NDUFB6: variants seen among roughly 807,000 people sequenced by gnomAD.
NDUFB6 encodes NADH:ubiquinone oxidoreductase subunit B6.
NDUFB6 carries 23 observed loss-of-function variants against 17.5 expected under a neutral mutation model. The ratio of observed to expected loss-of-function variants is 1.31; its 90% confidence interval spans 0.94 to 1.86. The LOEUF is 1.86. NDUFB6 is among the 40% of genes most tolerant of loss of function. The pLI is 0.00. For synonymous variants in NDUFB6, 60 were observed against 53.5 expected (o/e 1.12, Z -0.53); for missense variants, 167 against 153.8 (o/e 1.09, Z -0.46).
chr9:32,553,137 G>C lies in NDUFB6; in HGVS notation c.*739C>G. ...CTAAATCTGACAGTCTTGAGTGTCA[G>C]ATCATAGTTGGAATAAGCTTTTCAA... is the stretch of plus-strand genomic sequence containing the variant. On this transcript the variant is annotated 3_prime_UTR_variant, in exon 4 of 4. Transcript: ENST00000379847. 4.6e-6 allele frequency: 2 copies of C among 434,056 alleles called. No individual in the cohort carries two copies. The highest frequency in any genetic ancestry group is 8.2e-6 in the Non-Finnish European group (2 of 245,144). 26.9% of individuals were successfully genotyped at this position (434,056 alleles called of 1,614,324 possible).
intron 2 of NDUFB6, chr9:32,568,208 T>A (rs528773453): frequency 5.9e-6 from 1 of 168,916 alleles, no homozygotes; most frequent in South Asian, 2.0e-4. Context: ...TTGGAAGAAG[T>A]TGATTTCAAC....
intron 2 of NDUFB6, chr9:32,566,287 G>T: frequency 8.7e-7 from 1 of 1,153,518 alleles, no homozygotes; most frequent in Non-Finnish European, 1.3e-6. Context: ...GTAGAAAGCA[G>T]GCCATAAAAA....
chr9:32,570,448 C>A (rs1400472698), intron 2 of NDUFB6, among the ~76,000 whole-genome samples: 1 of 152,132 alleles, frequency 6.6e-6, no homozygotes, highest in Non-Finnish European at 1.5e-5. Context: ...CTTTAAAATA[C>A]CACAACTGGC....
intron 3 of NDUFB6, among the ~76,000 whole-genome samples, chr9:32,557,013 A>ACCTG (rs1462782185): frequency 6.9e-6 from 1 of 145,288 alleles, no homozygotes. Context: ...CACCATGCCC[A>ACCTG]GCTAATTTTT....
chr9:32,566,632 T>C, intron 2 of NDUFB6: 4 of 792,380 alleles, frequency 5.0e-6, no homozygotes, highest in South Asian at 4.0e-5. Context: ...GCACCCACCA[T>C]GGAGGAGCAG....
intron 1 of NDUFB6, among the ~76,000 whole-genome samples, chr9:32,572,285 G>A (rs1016002234): frequency 6.6e-6 from 1 of 152,216 alleles, no homozygotes; most frequent in African/African-American, 2.4e-5. Context: ...GTTCTTGAAT[G>A]AGTGATTTTC....
At position 32,573,008 on chromosome 9, in the gene NDUFB6, A is replaced by C. The variant is rs1719549068; in HGVS notation, c.53T>G (p.Leu18Arg). The change falls in exon 1 of 4, where the codon CTG becomes CGG. Residue 18 changes from leucine to arginine, a missense_variant. Leu to Arg is a moderately radical substitution (Grantham distance 102). Coordinates refer to ENST00000379847, the MANE Select transcript of NDUFB6 (RefSeq NM_002493.5). ...EKLRLQQLRE[L>R]RRRWLKDQEL... ...CTGGTCCTTCAGCCATCGCCTTCTC[A>C]GCTCTCGCAGCTGCTGCAGCCGCAG... 1 of 1,605,616 alleles carries C rather than the reference A, an allele frequency of 6.2e-7. No individual in the cohort carries two copies. The highest frequency in any genetic ancestry group is 1.3e-5 in the African/African-American group (1 of 74,664).
rs146170319 is a variant in NDUFB6 at position 32,559,285 on chromosome 9, G to T, written c.274-331C>A. Among the ~76,000 whole-genome samples the T allele has an allele frequency of 4.9e-3, 750 of 152,200 alleles. 5 individuals carry two copies. Among genetic ancestry groups the T allele is most frequent in the African/African-American group, 0.017 (712 of 41,514 alleles). On this transcript the variant is annotated intron_variant, in intron 2 of 3. Transcript: ENST00000379847. The stretch of plus-strand genomic sequence containing the variant: ...TAATTCTATCTTAAGAATATACCCT[G>T]AATCCAACTGGTTCTCATCACCAGC...
In NDUFB6 at chr9:32,569,339, C is replaced by T. The variant is rs193215869; in HGVS notation, c.273+1621G>A. Among the ~76,000 whole-genome samples, 3 of 152,274 alleles carry T rather than the reference C, an allele frequency of 2.0e-5. No individual in the cohort carries two copies. In the East Asian group the frequency reaches 5.8e-4, roughly 29 times the overall value. ...GTTCAAGTGATTCTTCTGCCTCAAC[C>T]TCCCGAATAGCTGGGACTACAGGCG... On this transcript the variant is annotated intron_variant, in intron 2 of 3. Transcript: ENST00000379847.
intron 3 of NDUFB6, among the ~76,000 whole-genome samples, chr9:32,557,338 A>T (rs78214335): frequency 1.4e-5 from 2 of 145,858 alleles, no homozygotes; most frequent in African/African-American, 5.1e-5. Flanking sequence ...TAATTTTTGT[A>T]TTTTTTTTTT....
chr9:32,557,162 C>CT (rs34291462), intron 3 of NDUFB6, among the ~76,000 whole-genome samples: 8,428 of 129,140 alleles, frequency 0.065, 418 homozygotes, highest in Admixed American at 0.1. Flanking sequence ...CTGGCCCCCA[C>CT]TTTTTTTTTT....
chr9:32,563,823 T>A (rs1821699721), intron 2 of NDUFB6, among the ~76,000 whole-genome samples: 1 of 152,256 alleles, frequency 6.6e-6, no homozygotes, highest in Non-Finnish European at 1.5e-5. Flanking sequence ...CATCTATTAC[T>A]ATCATTATTT....
intron 2 of NDUFB6, chr9:32,568,748 A>ATTTTTTTTTTTTT (rs869080203): frequency 8.7e-6 from 1 of 114,398 alleles, no homozygotes; most frequent in African/African-American, 3.9e-5. Flanking sequence ...ATATATATAT[A>ATTTTTTTTTTTTT]TTTTTTTTTT....
Position 32,557,824 on chromosome 9 carries a change from C to A in NDUFB6, c.318+1086G>T, listed in dbSNP as rs560791748. Among the ~76,000 whole-genome samples the A allele has an allele frequency of 1.1e-4, 17 of 152,296 alleles. No homozygotes were observed. In the South Asian group the frequency reaches 1.9e-3, roughly 17 times the overall value. Reference sequence around the variant, plus strand: ...CCAGCGTTCCAACTGGGACCGCTGGCCAGTTTTGGTGGCCCTTCCTAAAAT... The same window carrying A: ...CCAGCGTTCCAACTGGGACCGCTGGACAGTTTTGGTGGCCCTTCCTAAAAT... On this transcript the variant is annotated intron_variant, in intron 3 of 3. Coordinates refer to ENST00000379847, the MANE Select transcript of NDUFB6 (RefSeq NM_002493.5).
intron 2 of NDUFB6, 37 bp from the exon 3 acceptor site, chr9:32,558,991 T>A: frequency 6.9e-7 from 1 of 1,450,694 alleles, no homozygotes; most frequent in Non-Finnish European, 9.5e-7. Flanking sequence ...ATTATGGTGT[T>A]AAGAGTTTCT....
At chr9:32,571,764 A>G (rs1369715195) in intron 1 of NDUFB6, among the ~76,000 whole-genome samples, 1 of 152,242 alleles carries the variant, frequency 6.6e-6, no homozygotes, top group African/African-American at 2.4e-5. Flanking sequence ...TTACTTCCTT[A>G]TATCACTTGC....
chr9:32,572,969 C>T lies in NDUFB6; in HGVS notation c.92G>A (p.Arg31Gln). 1.2e-6 allele frequency: 2 copies of T among 1,611,852 alleles called. No individual in the cohort carries two copies. The highest frequency in any genetic ancestry group is 1.7e-6 in the Non-Finnish European group (2 of 1,178,890). ...CTTCTGTGGGGGCAGCACCGGCTCC[C>T]GAGGGCTCAGCTCCTGGTCCTTCAG... is the stretch of plus-strand genomic sequence containing the variant. ...RWLKDQELSP[R>Q]EPVLPPQKMG... Residue 31 changes from arginine (R) to glutamine (Q), a missense_variant, in exon 1 of 4, where the codon CGG (arginine) becomes CAG (glutamine). By Grantham distance (43) the Arg-to-Gln change is conservative. Transcript: ENST00000379847.
Position 32,567,611 on chromosome 9 carries a change from C to T in NDUFB6, c.273+3349G>A, listed in dbSNP as rs536860056. ...AAGTGCTGGGATTACAGGTGTGAGC[C>T]ACCATGCCTGGCCTCAAACTTTGTC... On this transcript the variant is annotated intron_variant, in intron 2 of 3. Coordinates refer to ENST00000379847, the MANE Select transcript of NDUFB6 (RefSeq NM_002493.5). The T allele has an allele frequency of 1.5e-4, 55 of 369,146 alleles. 1 individual carries two copies. The highest frequency in any genetic ancestry group is 1.1e-3 in the South Asian group (54 of 47,372). The allele number at this position is 369,146 out of a possible 1,614,324, so 22.9% of individuals were successfully genotyped here. A position where few individuals can be genotyped will look rare whatever the true frequency, so the allele number is the denominator to read the frequency against.
chr9:32,566,276 G>T, intron 2 of NDUFB6: 1 of 1,145,408 alleles, frequency 8.7e-7, no homozygotes, highest in Non-Finnish European at 1.3e-6. Flanking sequence ...GGTTCTCTGA[G>T]GTAGAAAGCA....
Sources: gnomAD v4.1 joint callset for allele counts (sites outside exome capture counted in the v4.1 genomes callset) on GRCh38, gnomAD v4.1.1 for gene constraint, MANE v1.5 for transcripts, NCBI Gene and HGNC (gene_info 2026-07-23, HGNC 2026-07-21) for gene names.